Variants in NAALADL2 observed in about 807,000 individuals in gnomAD.
The protein encoded by NAALADL2 is inactive N-acetylated-alpha-linked acidic dipeptidase-like protein 2.
Under a neutral mutation model 87.2 loss-of-function variants are expected in NAALADL2, and 76 were observed. That is an observed-to-expected ratio of 0.87 (90% CI 0.72 to 1.05). The LOEUF (loss-of-function observed/expected upper bound fraction) is 1.05, where lower values mean the gene tolerates loss of function less well. Ranked by LOEUF, NAALADL2 falls within the 50% of genes least tolerant of loss-of-function variation. The pLI is 0.00. For synonymous variants in NAALADL2, 354 were observed against 331.0 expected (o/e 1.07, Z -0.75); for missense variants, 1,089 against 945.8 (o/e 1.15, Z -1.99).
intron 5 of NAALADL2, among the ~76,000 whole-genome samples, chr3:175,360,432 CTAA>C (rs1388809588): frequency 6.6e-6 from 1 of 152,002 alleles, no homozygotes; most frequent in Non-Finnish European, 1.5e-5. Context: ...TGTAAACAGC[CTAA>C]TAATTCCCTT....
rs141996033 is a variant in NAALADL2 at position 174,625,265 on chromosome 3, C to T, written c.-115+74628C>T. Among the ~76,000 whole-genome samples the T allele has an allele frequency of 8.3e-3, 1,259 of 152,032 alleles. 20 individuals are homozygous for T. Among genetic ancestry groups the T allele is most frequent in the African/African-American group, 0.029 (1,195 of 41,472 alleles). On this transcript the variant is annotated intron_variant, in intron 2 of 3. Transcript: ENST00000434257. ...TAGAGATGAGGTTTCACCATGTTGG[C>T]CAGGCTGGTCTCCAACTCCTGTGCT...
chr3:174,586,121 G>A (rs533874906), intron 2 of NAALADL2, among the ~76,000 whole-genome samples: 1 of 152,178 alleles, frequency 6.6e-6, no homozygotes, highest in South Asian at 2.1e-4. Context: ...AATCACTTCA[G>A]GCAACTTATT....
At chr3:174,562,766 T>C (rs1242386551) in intron 2 of NAALADL2, among the ~76,000 whole-genome samples, 3 of 151,886 alleles carry the variant, frequency 2.0e-5, no homozygotes, top group Non-Finnish European at 4.4e-5. Flanking sequence ...AAAATCATGA[T>C]ATTCTGTCAC....
At chr3:174,853,170 C>G (rs1454555115) in intron 3 of NAALADL2, among the ~76,000 whole-genome samples, 5 of 136,516 alleles carry the variant, frequency 3.7e-5, no homozygotes, top group Non-Finnish European at 6.1e-5. Flanking sequence ...TCGAGACCAT[C>G]CTGGCCAACA....
At chr3:174,664,942 T>A (rs925860137) in intron 2 of NAALADL2, among the ~76,000 whole-genome samples, 4 of 152,244 alleles carry the variant, frequency 2.6e-5, no homozygotes, top group African/African-American at 7.2e-5. Context: ...GGAAGAATTT[T>A]CAGCATACCA....
intron 5 of NAALADL2, among the ~76,000 whole-genome samples, chr3:175,401,850 GAAGCT>G (rs939296716): frequency 1.3e-5 from 2 of 152,040 alleles, no homozygotes; most frequent in African/African-American, 4.8e-5. Flanking sequence ...ATTTTTCGGT[GAAGCT>G]CCTTCCATGT....
intron 2 of NAALADL2, among the ~76,000 whole-genome samples, chr3:175,106,130 T>A (rs1383269147): frequency 6.6e-6 from 1 of 152,112 alleles, no homozygotes; most frequent in East Asian, 1.9e-4. Flanking sequence ...TTTATCCATT[T>A]GGTTACAAAC....
chr3:174,896,388 G>A (rs1731532227), intron 1 of NAALADL2, among the ~76,000 whole-genome samples: 1 of 151,960 alleles, frequency 6.6e-6, no homozygotes, highest in Non-Finnish European at 1.5e-5. Context: ...GATGAACAAT[G>A]TTAAAAAGAA....
intron 2 of NAALADL2, among the ~76,000 whole-genome samples, chr3:174,688,997 A>C (rs1728301698): frequency 6.6e-6 from 1 of 151,970 alleles, no homozygotes; most frequent in Non-Finnish European, 1.5e-5. Flanking sequence ...AGGTTACTAC[A>C]TCAGCAAAAA....
chr3:175,233,944 C>G lies in NAALADL2; in HGVS notation c.559C>G (p.Leu187Val), dbSNP rs182698376. 247 of 1,576,484 alleles carry G rather than the reference C, an allele frequency of 1.6e-4. 1 individual carries two copies. In the African/African-American group the frequency reaches 3.0e-3, roughly 19 times the overall value. The change falls in exon 3 of 14, where the codon CTA becomes GTA. Residue 187 changes from leucine (L) to valine (V), a missense_variant. By Grantham distance (32) the Leu-to-Val change is conservative. Coordinates refer to ENST00000454872, the MANE Select transcript of NAALADL2 (RefSeq NM_207015.3). ...AATTTATTTCAGAAATTTGGTACAA[C>G]TATATAAAAATGAAGATGACATGGA... ...IKKSFRNLVQ[L>V]YKNEDDMEIS... is the part of the protein sequence containing the mutation.
intron 3 of NAALADL2, among the ~76,000 whole-genome samples, chr3:174,755,319 CA>C (rs1711895089): frequency 6.6e-6 from 1 of 152,160 alleles, no homozygotes; most frequent in South Asian, 2.1e-4. Context: ...TACCCAGTCT[CA>C]GTGGTATTTC....
At chr3:174,879,197 T>G (rs2109684457) in intron 1 of NAALADL2, among the ~76,000 whole-genome samples, 1 of 152,230 alleles carries the variant, frequency 6.6e-6, no homozygotes, top group African/African-American at 2.4e-5. Flanking sequence ...TAATGTGGCA[T>G]GGAGAATAAG....
intron 1 of NAALADL2, among the ~76,000 whole-genome samples, chr3:174,485,469 C>T (rs1434781307): frequency 3.3e-5 from 5 of 151,228 alleles, no homozygotes; most frequent in African/African-American, 9.7e-5. Flanking sequence ...CTCTGATAGG[C>T]CCCAGTGTGT....
chr3:175,226,827 G>T (rs1282492459), intron 2 of NAALADL2, among the ~76,000 whole-genome samples: 1 of 152,002 alleles, frequency 6.6e-6, no homozygotes, highest in Non-Finnish European at 1.5e-5. Flanking sequence ...TTGCTGCTAT[G>T]TTTATTACAG....
intron 9 of NAALADL2, among the ~76,000 whole-genome samples, chr3:175,517,125 T>C (rs1213285384): frequency 6.6e-6 from 1 of 152,226 alleles, no homozygotes; most frequent in Non-Finnish European, 1.5e-5. Flanking sequence ...GTTGATGACA[T>C]TGTATCCCAG....
intron 2 of NAALADL2, among the ~76,000 whole-genome samples, chr3:174,669,410 A>AT (rs752288486): frequency 2.9e-4 from 44 of 152,144 alleles, no homozygotes; most frequent in Middle Eastern, 3.4e-3. Flanking sequence ...TTAGAGTCCA[A>AT]TTTTTTTATA....
At chr3:175,738,289 C>T (rs1024833106) in intron 12 of NAALADL2, among the ~76,000 whole-genome samples, 2 of 151,812 alleles carry the variant, frequency 1.3e-5, no homozygotes, top group African/African-American at 4.8e-5. Context: ...TGTCTATTGC[C>T]CAGGCTGGAG....
chr3:175,172,259 CAT>C (rs58104638), intron 2 of NAALADL2, among the ~76,000 whole-genome samples: 5 of 151,222 alleles, frequency 3.3e-5, no homozygotes, highest in Non-Finnish European at 5.9e-5. Flanking sequence ...TATGTATCTT[CAT>C]ATATATATAT....
At chr3:175,103,706 A>G (rs1722622123) in intron 2 of NAALADL2, among the ~76,000 whole-genome samples, 3 of 152,346 alleles carry the variant, frequency 2.0e-5, no homozygotes, top group Admixed American at 1.3e-4. Context: ...TTTAACTTAT[A>G]GGGATGAATT....
Sources: allele counts gnomAD v4.1 joint callset (sites outside exome capture counted in the v4.1 genomes callset), GRCh38; gene constraint gnomAD v4.1.1; transcripts MANE v1.5; gene names NCBI Gene and HGNC (gene_info 2026-07-23, HGNC 2026-07-21).